The following NAV2 variants were observed in gnomAD, a reference collection of about 807,000 sequenced individuals.
NAV2 encodes the protein helicase, APC down-regulated 1.
In NAV2, 54 loss-of-function variants were observed where a neutral mutation model predicts 223.2. The observed-to-expected ratio is 0.24, with a 90% CI of 0.19 to 0.30. NAV2 has a LOEUF of 0.30. Among genes scored for constraint, NAV2 ranks in the 10% least tolerant of loss-of-function variants. The pLI is 1.00. For missense variants in NAV2, 2,806 were observed against 3,147.5 expected (o/e 0.89, Z 2.60); for synonymous variants, 1,279 against 1,239.3 (o/e 1.03, Z -0.67).
At chr11:19,378,469 G>A (rs1475839545) in intron 1 of NAV2, among the ~76,000 whole-genome samples, 1 of 152,130 alleles carries the variant, frequency 6.6e-6, no homozygotes, top group African/African-American at 2.4e-5. Context: ...CGGGGTGCAC[G>A]CACTGAATCG....
At position 19,492,860 on chromosome 11, in the gene NAV2, A is replaced by G. The variant is rs995675845; in HGVS notation, c.75+141833A>G. 5.5e-4 allele frequency among the ~76,000 whole-genome samples: 83 copies of G among 152,154 alleles called. 1 individual carries two copies. The highest frequency in any genetic ancestry group is 1.9e-3 in the African/African-American group (80 of 41,446). The stretch of plus-strand genomic sequence containing the variant: ...TGGATGCCTATATTTTCACCGAGGG[A>G]GGAGAGGTTAGATGTGACACGGTAC... On this transcript the variant is annotated intron_variant, in intron 1 of 37. Coordinates refer to the NAV2 transcript ENST00000360655.
chr11:20,026,291 G>GT lies in NAV2; in HGVS notation c.2769-9659dup, dbSNP rs201452593. Among the ~76,000 whole-genome samples, 39 of 151,382 alleles carry GT rather than the reference G, an allele frequency of 2.6e-4. No individual in the cohort carries two copies. The East Asian group carries it at 5.4e-3, about 21-fold the overall frequency. On this transcript the variant is annotated intron_variant, in intron 11 of 37. Transcript: ENST00000349880. ...TCCAGAGACAGGTGGCTTGCTTATAGTTTTTTTTTAAATTTATTTTTTATT... is the reference window on the plus strand; with the variant it reads ...TCCAGAGACAGGTGGCTTGCTTATAGTTTTTTTTTTAAATTTATTTTTTATT...
At chr11:19,429,398 G>C (rs1346479275) in intron 1 of NAV2, among the ~76,000 whole-genome samples, 6 of 152,160 alleles carry the variant, frequency 3.9e-5, no homozygotes, top group African/African-American at 1.4e-4. Context: ...CTTCATAGAA[G>C]AAAAAAGACT....
chr11:19,752,937 G>T (rs574530766), intron 1 of NAV2, among the ~76,000 whole-genome samples: 34 of 152,286 alleles, frequency 2.2e-4, no homozygotes, highest in Non-Finnish European at 3.8e-4. Flanking sequence ...AGGTAACGAG[G>T]TTGAGATGAG....
chr11:19,417,627 T>A (rs1464111254), intron 1 of NAV2, among the ~76,000 whole-genome samples: 1 of 152,222 alleles, frequency 6.6e-6, no homozygotes, highest in African/African-American at 2.4e-5. Flanking sequence ...ATCATTCTAC[T>A]ATAAAGACAC....
In NAV2 at chr11:19,529,794, C is replaced by T. The variant is rs1424623755; in HGVS notation, c.75+178767C>T. On this transcript the variant is annotated intron_variant, in intron 1 of 37. Coordinates refer to the NAV2 transcript ENST00000360655. The stretch of plus-strand genomic sequence containing the variant: ...AATCACTCAGTGACCGGTGAAGAGA[C>T]CAGCGGGCCTCCTGCCCTACATAGG... Among the ~76,000 whole-genome samples, 34 of 152,198 alleles carry T rather than the reference C, an allele frequency of 2.2e-4. 1 individual carries two copies. The highest frequency in any genetic ancestry group is 2.2e-3 in the Admixed American group (34 of 15,292).
At chr11:20,105,816 C>G (rs957675512) in intron 35 of NAV2, 89 bp downstream of exon 35, 1 of 1,043,152 alleles carries the variant, frequency 9.6e-7, no homozygotes, top group East Asian at 2.4e-5. Flanking sequence ...TTTGCAGGCA[C>G]AGTCAGCAGA....
intron 6 of NAV2, among the ~76,000 whole-genome samples, chr11:19,897,164 A>G (rs1463579099): frequency 6.6e-6 from 1 of 152,044 alleles, no homozygotes; most frequent in African/African-American, 2.4e-5. Context: ...GTTCTCACTC[A>G]TAGGTGGGAA....
intron 12 of NAV2, among the ~76,000 whole-genome samples, chr11:20,040,948 T>A (rs903540547): frequency 7.2e-5 from 11 of 152,152 alleles, no homozygotes; most frequent in African/African-American, 2.7e-4. Flanking sequence ...GTGACCACCC[T>A]GGACCAAGCT....
intron 10 of NAV2, among the ~76,000 whole-genome samples, chr11:19,958,081 G>A (rs966503414): frequency 6.6e-6 from 1 of 152,144 alleles, no homozygotes; most frequent in Non-Finnish European, 1.5e-5. Flanking sequence ...TTGGGAGAAG[G>A]AAGTCTCAGG....
chr11:19,448,822 T>G (rs1851682374), intron 1 of NAV2, among the ~76,000 whole-genome samples: 1 of 152,186 alleles, frequency 6.6e-6, no homozygotes, highest in African/African-American at 2.4e-5. Context: ...AGTGATTAGT[T>G]TGATAAATAA....
At chr11:19,707,800 A>G (rs1042890498) in intron 1 of NAV2, among the ~76,000 whole-genome samples, 3 of 152,212 alleles carry the variant, frequency 2.0e-5, no homozygotes, top group African/African-American at 7.2e-5. Context: ...CACCACAAAC[A>G]TGAGTACTGT....
intron 26 of NAV2, 96 bp from the exon 27 acceptor site, chr11:20,090,769 A>G: frequency 7.5e-7 from 1 of 1,328,546 alleles, no homozygotes; most frequent in Non-Finnish European, 1.0e-6. Context: ...GGTTATTCAC[A>G]GTTACTGCTA....
chr11:20,048,338 C>G (rs2150), intron 14 of NAV2, among the ~76,000 whole-genome samples: 1 of 152,028 alleles, frequency 6.6e-6, no homozygotes, highest in Non-Finnish European at 1.5e-5. Context: ...TGCCTGGGGC[C>G]GCAGAGACAG....
chr11:19,587,322 A>G (rs1056018612), intron 1 of NAV2, among the ~76,000 whole-genome samples: 2 of 152,128 alleles, frequency 1.3e-5, no homozygotes, highest in African/African-American at 2.4e-5. Context: ...CCCCTTGCAC[A>G]TCCCGGGTGA....
chr11:19,345,801 G>A (rs1273051049), upstream of NAV2, among the ~76,000 whole-genome samples: 1 of 152,206 alleles, frequency 6.6e-6, no homozygotes, highest in East Asian at 1.9e-4. This position sits in a 1 kb window ranked among gnomAD's most constrained non-coding sequence, Gnocchi z 5.2. Flanking sequence ...GGGCGTACGT[G>A]CCTGAGGCTG....
chr11:19,567,653 ATC>A (rs1432110173), intron 1 of NAV2, among the ~76,000 whole-genome samples: 2 of 152,264 alleles, frequency 1.3e-5, no homozygotes, highest in Admixed American at 1.3e-4. Context: ...GCCCTCAGAC[ATC>A]TCACTATGGC....
chr11:19,647,783 C>T (rs2135615041), intron 1 of NAV2, among the ~76,000 whole-genome samples: 1 of 152,268 alleles, frequency 6.6e-6, no homozygotes, highest in African/African-American at 2.4e-5. Flanking sequence ...TAGGTGGGCT[C>T]TGGGCAAGAG....
Position 19,934,341 on chromosome 11 carries a change from C to T in NAV2, c.2033+64C>T. On this transcript the variant is annotated intron_variant, in intron 7 of 37. Transcript: ENST00000349880. ...GGTAAAAGTTCCTTTATAGTGGATT[C>T]CGGGTCTGTAAGGGCAGAAGCTAGA... 8 of 1,489,250 alleles carry T rather than the reference C, an allele frequency of 5.4e-6. No individual in the cohort carries two copies. In the South Asian group the frequency reaches 1.1e-4, roughly 21 times the overall value. The allele number at this position is 1,489,250 out of a possible 1,614,324, so 92.3% of individuals were successfully genotyped here. A position where few individuals can be genotyped will look rare whatever the true frequency, so the allele number is the denominator to read the frequency against.
Sources: allele counts gnomAD v4.1 joint callset (sites outside exome capture counted in the v4.1 genomes callset), GRCh38; gene constraint gnomAD v4.1.1; non-coding constraint Gnocchi (gnomAD v3.1); transcripts MANE v1.5; gene names NCBI Gene and HGNC (gene_info 2026-07-23, HGNC 2026-07-21).